Variants in CTXND1 observed in about 807,000 individuals in gnomAD.
CTXND1 encodes cortexin domain containing 1.
chr15:80,228,092 A>G (rs913600073), intron 1 of CTXND1, among the ~76,000 whole-genome samples: 2 of 152,248 alleles, frequency 1.3e-5, no homozygotes, highest in Non-Finnish European at 2.9e-5. Context: ...TTGCTCATCC[A>G]TAAGAAGCCA....
At chr15:80,249,147 C>A (rs1212326195) in intron 1 of CTXND1, among the ~76,000 whole-genome samples, 1 of 152,052 alleles carries the variant, frequency 6.6e-6, no homozygotes, top group Non-Finnish European at 1.5e-5. Flanking sequence ...GAGATAAGTT[C>A]TCACTCTGTT....
chr15:80,231,065 GA>G (rs1335654732), intron 1 of CTXND1, among the ~76,000 whole-genome samples: 5 of 149,154 alleles, frequency 3.4e-5, no homozygotes, highest in East Asian at 2.0e-4. Context: ...CTCAAAAAAA[GA>G]AAAAAAAAGT....
At chr15:80,236,470 A>G (rs930857768) in intron 1 of CTXND1, among the ~76,000 whole-genome samples, 1 of 152,212 alleles carries the variant, frequency 6.6e-6, no homozygotes, top group Non-Finnish European at 1.5e-5. Flanking sequence ...TCCATCAACC[A>G]TAGTGGTCCC....
intron 1 of CTXND1, among the ~76,000 whole-genome samples, chr15:80,204,226 A>G (rs1352901511): frequency 6.9e-6 from 1 of 145,106 alleles, no homozygotes; most frequent in Non-Finnish European, 1.5e-5. Flanking sequence ...ACATGCACAC[A>G]CACATATATA....
intron 1 of CTXND1, among the ~76,000 whole-genome samples, chr15:80,246,996 T>C (rs147171839): frequency 1.3e-5 from 2 of 152,318 alleles, no homozygotes; most frequent in East Asian, 3.9e-4. Context: ...TATAGTCTCC[T>C]CTGTCAGCCT....
chr15:80,249,280 A>G (rs1208843483), intron 1 of CTXND1, among the ~76,000 whole-genome samples: 1 of 152,058 alleles, frequency 6.6e-6, no homozygotes, highest in African/African-American at 2.4e-5. Context: ...TCTCAGGGGA[A>G]CTCAGCTCTT....
chr15:80,211,277 G>A (rs147781527), intron 1 of CTXND1, among the ~76,000 whole-genome samples: 182 of 152,334 alleles, frequency 1.2e-3, no homozygotes, highest in Middle Eastern at 0.01. Flanking sequence ...TAAACAGTAC[G>A]CTGCAGCGAC....
chr15:80,236,033 C>T (rs1214067281), intron 1 of CTXND1, among the ~76,000 whole-genome samples: 1 of 147,314 alleles, frequency 6.8e-6, no homozygotes, highest in Non-Finnish European at 1.5e-5. Context: ...CCTGCAAGTT[C>T]AAACTCTTAG....
In CTXND1 at chr15:80,195,974, G is replaced by T. The variant is rs2041418124; in HGVS notation, c.*5796C>A. The T allele has an allele frequency of 6.6e-6, 1 of 152,172 alleles. No homozygotes were observed. Among genetic ancestry groups the T allele is most frequent in the Non-Finnish European group, 1.5e-5 (1 of 68,030 alleles). The allele number at this position is 152,172 out of a possible 1,614,324, so 9.4% of individuals were successfully genotyped here. ...CTCCTTATGTTGAAATATTGGCAGA[G>T]AAAGAGATCACTGCACTGTCAGGAT... On this transcript the variant is annotated 3_prime_UTR_variant, in exon 3 of 3. Coordinates refer to ENST00000560778, the MANE Select transcript of CTXND1 (RefSeq NM_001352888.2).
At chr15:80,251,836 T>C (rs1893700270) in intron 1 of CTXND1, among the ~76,000 whole-genome samples, 171 bp downstream of exon 1, 1 of 151,972 alleles carries the variant, frequency 6.6e-6, no homozygotes, top group Admixed American at 6.6e-5. Flanking sequence ...TCGGTCCCAG[T>C]GTCCACGCGG....
chr15:80,240,576 G>C (rs1436960701), intron 1 of CTXND1, among the ~76,000 whole-genome samples: 1 of 147,812 alleles, frequency 6.8e-6, no homozygotes, highest in Non-Finnish European at 1.5e-5. Context: ...ACTGTGTAGA[G>C]CGGAAAGCCT....
chr15:80,242,558 G>A (rs1893582065), intron 1 of CTXND1, among the ~76,000 whole-genome samples: 1 of 152,218 alleles, frequency 6.6e-6, no homozygotes, highest in African/African-American at 2.4e-5. Context: ...AGTCAATGCC[G>A]AGGGAGGAGC....
chr15:80,224,935 G>A (rs947110920), intron 1 of CTXND1, among the ~76,000 whole-genome samples: 2 of 152,214 alleles, frequency 1.3e-5, no homozygotes, highest in Admixed American at 6.5e-5. Flanking sequence ...GTAAAGACCA[G>A]GTTTCGCCAT....
chr15:80,235,113 G>A (rs1045286919), intron 1 of CTXND1, among the ~76,000 whole-genome samples: 1 of 152,146 alleles, frequency 6.6e-6, no homozygotes, highest in African/African-American at 2.4e-5. Flanking sequence ...TTGTGGGGGA[G>A]GCAAGGAAAG....
chr15:80,223,576 A>G (rs1382746310), intron 1 of CTXND1, among the ~76,000 whole-genome samples: 2 of 152,140 alleles, frequency 1.3e-5, no homozygotes, highest in East Asian at 3.9e-4. Context: ...TATTAGTTGT[A>G]TATCTAGAAG....
intron 1 of CTXND1, among the ~76,000 whole-genome samples, chr15:80,221,199 A>G (rs186131365): frequency 1.7e-3 from 258 of 152,208 alleles, no homozygotes; most frequent in Non-Finnish European, 2.5e-3. Context: ...GTGAGCCACC[A>G]CGCCCAGCCT....
chr15:80,228,324 A>G (rs1261722770), intron 1 of CTXND1, among the ~76,000 whole-genome samples: 2 of 152,238 alleles, frequency 1.3e-5, no homozygotes, highest in Admixed American at 1.3e-4. Flanking sequence ...AATGTTCTTA[A>G]TGGCATCTAG....
At chr15:80,213,279 A>G (rs1191052857) in intron 1 of CTXND1, among the ~76,000 whole-genome samples, 1 of 152,190 alleles carries the variant, frequency 6.6e-6, no homozygotes, top group Non-Finnish European at 1.5e-5. Flanking sequence ...TGAGGTGAAT[A>G]TATGTAGCAT....
chr15:80,204,313 G>A (rs1217630608), intron 1 of CTXND1, among the ~76,000 whole-genome samples: 3 of 150,844 alleles, frequency 2.0e-5, no homozygotes, highest in Non-Finnish European at 3.0e-5. Context: ...AGTGTACAGT[G>A]GCATTTATGT....
Sources: allele counts gnomAD v4.1 joint callset (sites outside exome capture counted in the v4.1 genomes callset), GRCh38; gene constraint gnomAD v4.1.1; transcripts MANE v1.5; gene names NCBI Gene and HGNC (gene_info 2026-07-23, HGNC 2026-07-21).